The following GHR variants were observed in gnomAD, a reference collection of about 807,000 sequenced individuals.
GHR encodes GH receptor.
A neutral mutation model predicts 67.1 loss-of-function variants in GHR; 35 were observed. The observed-to-expected ratio is 0.52, with a 90% CI of 0.40 to 0.69. The LOEUF (loss-of-function observed/expected upper bound fraction) is 0.69, where lower values mean the gene tolerates loss of function less well. GHR is among the 30% of genes least tolerant of loss of function. The pLI, the probability that GHR is intolerant of heterozygous loss-of-function variation, is 0.00. For synonymous variants in GHR, 272 were observed against 269.1 expected (o/e 1.01, Z -0.10); for missense variants, 792 against 764.6 (o/e 1.04, Z -0.42).
chr5:42,710,188 T>A (rs1579657354), intron 6 of GHR, among the ~76,000 whole-genome samples: 1 of 149,990 alleles, frequency 6.7e-6, no homozygotes, highest in Non-Finnish European at 1.5e-5. Flanking sequence ...CATATACACA[T>A]GAGGCAAAAA....
At position 42,465,679 on chromosome 5, in the gene GHR, G is replaced by C. The variant is rs1001593559; in HGVS notation, c.-12+41724G>C. On this transcript the variant is annotated intron_variant, in intron 1 of 9. Coordinates refer to ENST00000230882, the MANE Select transcript of GHR (RefSeq NM_000163.5). ...TGCTACCTCCACGTTACAGGTCCTC[G>C]TGCTTCAGGCCACTGTAATGTGAAA... 20 of 853,416 alleles carry C rather than the reference G, an allele frequency of 2.3e-5. No individual in the cohort carries two copies. In the Admixed American group the frequency reaches 3.2e-4, roughly 14 times the overall value. 52.9% of individuals were successfully genotyped at this position (853,416 alleles called of 1,614,324 possible). A position where few individuals can be genotyped will look rare whatever the true frequency, so the allele number is the denominator to read the frequency against.
intron 1 of GHR, among the ~76,000 whole-genome samples, chr5:42,456,397 T>A (rs972674689): frequency 1.3e-5 from 2 of 152,206 alleles, no homozygotes; most frequent in African/African-American, 4.8e-5. Flanking sequence ...AGGTGATATA[T>A]TTCTGTTTTA....
intron 2 of GHR, among the ~76,000 whole-genome samples, chr5:42,573,182 C>T (rs751099747): frequency 1.3e-5 from 2 of 152,124 alleles, no homozygotes; most frequent in Admixed American, 6.5e-5. Flanking sequence ...AAATCCTGAC[C>T]TTTGATTTCC....
chr5:42,530,481 A>C (rs1043624247), intron 1 of GHR, among the ~76,000 whole-genome samples: 2 of 152,348 alleles, frequency 1.3e-5, no homozygotes, highest in African/African-American at 4.8e-5. Context: ...CCATGGTTGT[A>C]ATTGAGAATG....
chr5:42,638,794 G>C (rs1287365891), intron 3 of GHR, among the ~76,000 whole-genome samples: 2 of 152,104 alleles, frequency 1.3e-5, no homozygotes, highest in Non-Finnish European at 2.9e-5. Context: ...TTGTATGTTT[G>C]TGCTTGCATT....
intron 1 of GHR, among the ~76,000 whole-genome samples, chr5:42,546,838 T>G (rs992524327): frequency 2.6e-5 from 4 of 151,936 alleles, no homozygotes; most frequent in Non-Finnish European, 5.9e-5. Context: ...GTAACAGTAG[T>G]GAGGATAAAG....
chr5:42,560,548 G>A (rs895447716), intron 1 of GHR, among the ~76,000 whole-genome samples: 2 of 152,108 alleles, frequency 1.3e-5, no homozygotes, highest in Admixed American at 1.3e-4. Flanking sequence ...TCACCAAATA[G>A]TCTAGTCTTC....
chr5:42,671,190 G>A (rs1323369623), intron 3 of GHR, among the ~76,000 whole-genome samples: 1 of 152,140 alleles, frequency 6.6e-6, no homozygotes, highest in Non-Finnish European at 1.5e-5. Context: ...GCCTGTACAA[G>A]CATGGTGCCA....
rs13162598 is a variant in GHR, at chr5:42,576,160, A to G, written c.70+10216A>G. Among the ~76,000 whole-genome samples the G allele has an allele frequency of 3.4e-3, 513 of 150,770 alleles. 5 individuals carry two copies. Among genetic ancestry groups the G allele is most frequent in the African/African-American group, 0.012 (489 of 41,168 alleles). Reference sequence around the variant, plus strand: ...AAATAAAATAGTAAAGTAAAATAAAATAAAGGCAAAGAGATCAATCTACAT... The same window carrying G: ...AAATAAAATAGTAAAGTAAAATAAAGTAAAGGCAAAGAGATCAATCTACAT... On this transcript the variant is annotated intron_variant, in intron 2 of 9. Coordinates refer to ENST00000230882, the MANE Select transcript of GHR (RefSeq NM_000163.5).
intron 1 of GHR, among the ~76,000 whole-genome samples, chr5:42,525,521 C>A (rs1014623791): frequency 1.2e-4 from 19 of 152,258 alleles, no homozygotes; most frequent in African/African-American, 4.6e-4. Flanking sequence ...TAAGGTAAGA[C>A]TTTGGACTGT....
At chr5:42,576,232 T>C (rs1438905620) in intron 2 of GHR, among the ~76,000 whole-genome samples, 1 of 151,928 alleles carries the variant, frequency 6.6e-6, no homozygotes, top group Non-Finnish European at 1.5e-5. Flanking sequence ...GGTAGTTTCT[T>C]ACATTCTCTG....
At chr5:42,675,456 A>C (rs1423214061) in intron 3 of GHR, among the ~76,000 whole-genome samples, 1 of 152,208 alleles carries the variant, frequency 6.6e-6, no homozygotes, top group African/African-American at 2.4e-5. Context: ...AAGAGAGAAA[A>C]TTTTAAATAA....
chr5:42,546,347 A>G (rs902978355), intron 1 of GHR, among the ~76,000 whole-genome samples: 1 of 152,168 alleles, frequency 6.6e-6, no homozygotes, highest in Non-Finnish European at 1.5e-5. Context: ...AGTCTCAGAC[A>G]TGTTCCACAA....
chr5:42,491,482 C>T (rs1227310048), intron 1 of GHR, among the ~76,000 whole-genome samples: 2 of 152,162 alleles, frequency 1.3e-5, no homozygotes, highest in African/African-American at 2.4e-5. Context: ...GGGCCCATCA[C>T]TTAAATTTCT....
intron 2 of GHR, among the ~76,000 whole-genome samples, chr5:42,622,284 GATCA>G (rs1753486502): frequency 6.6e-6 from 1 of 152,188 alleles, no homozygotes; most frequent in Non-Finnish European, 1.5e-5. Flanking sequence ...GTGACATTGA[GATCA>G]ATCAATCAGC....
At chr5:42,541,057 T>G (rs1579904487) in intron 1 of GHR, among the ~76,000 whole-genome samples, 1 of 152,266 alleles carries the variant, frequency 6.6e-6, no homozygotes, top group South Asian at 2.1e-4. Flanking sequence ...TTTTACTTTT[T>G]TCCTCACCAT....
chr5:42,693,114 G>A (rs2111689400), intron 4 of GHR, among the ~76,000 whole-genome samples: 1 of 150,866 alleles, frequency 6.6e-6, no homozygotes, highest in African/African-American at 2.4e-5. Context: ...TTGCATCAGA[G>A]ATGAATCTCT....
Position 42,424,926 on chromosome 5 carries a change from C to T in GHR, c.-12+971C>T, listed in dbSNP as rs1020671525. 1.2e-6 allele frequency: 1 copy of T among 860,882 alleles called. No homozygotes were observed. The highest frequency in any genetic ancestry group is 1.8e-5 in the African/African-American group (1 of 54,810). 53.3% of individuals were successfully genotyped at this position (860,882 alleles called of 1,614,324 possible). A position where few individuals can be genotyped will look rare whatever the true frequency, so the allele number is the denominator to read the frequency against. On this transcript the variant is annotated intron_variant, in intron 1 of 9. Transcript: ENST00000230882. This position sits in a 1 kb window ranked among gnomAD's most constrained non-coding sequence, Gnocchi z 4.1. ...CTGTGTGTGCGCGCGCGAGTGTGCG[C>T]CTGGGGAGGCGTGTCGGCGCCTGAG...
intron 3 of GHR, among the ~76,000 whole-genome samples, chr5:42,647,499 G>A (rs551433526): frequency 2.6e-5 from 4 of 151,682 alleles, no homozygotes; most frequent in Non-Finnish European, 4.4e-5. Flanking sequence ...GCATGAACCC[G>A]GGAGGCAGAG....
Sources: gnomAD v4.1 joint callset for allele counts (sites outside exome capture counted in the v4.1 genomes callset) on GRCh38, gnomAD v4.1.1 for gene constraint, Gnocchi (gnomAD v3.1) non-coding constraint, MANE v1.5 for transcripts, NCBI Gene and HGNC (gene_info 2026-07-23, HGNC 2026-07-21) for gene names.